SAMD3: variants seen among roughly 807,000 people sequenced by gnomAD.
SAMD3 encodes the protein sterile alpha motif domain containing 3.
In SAMD3, 63 loss-of-function variants were observed where a neutral mutation model predicts 58.5. The ratio of observed to expected loss-of-function variants is 1.08; its 90% CI spans 0.88 to 1.33. The LOEUF (loss-of-function observed/expected upper bound fraction) is 1.33, where lower values mean the gene tolerates loss of function less well. SAMD3 is among the 40% of genes most tolerant of loss of function. The pLI is 0.00. For missense variants in SAMD3, 604 were observed against 608.4 expected (o/e 0.99, Z 0.08); for synonymous variants, 220 against 210.3 (o/e 1.05, Z -0.40).
chr6:130,282,071 A>G (rs918530174), intron 2 of SAMD3, among the ~76,000 whole-genome samples: 3 of 152,152 alleles, frequency 2.0e-5, no homozygotes, highest in African/African-American at 7.2e-5. Context: ...GCTACTCAGG[A>G]AAGTCTTACC....
intron 1 of SAMD3, among the ~76,000 whole-genome samples, chr6:130,359,627 T>C (rs941780188): frequency 6.6e-6 from 1 of 152,220 alleles, no homozygotes; most frequent in Admixed American, 6.5e-5. Flanking sequence ...AGCTATGTGC[T>C]TACAAAGATG....
chr6:130,150,313 C>G (rs1451131582), intron 9 of SAMD3, among the ~76,000 whole-genome samples: 1 of 152,136 alleles, frequency 6.6e-6, no homozygotes, highest in Non-Finnish European at 1.5e-5. Flanking sequence ...GGACAAGGTT[C>G]TCCCAGGCTG....
At chr6:130,244,515 G>C (rs1773470412) in intron 2 of SAMD3, among the ~76,000 whole-genome samples, 1 of 152,120 alleles carries the variant, frequency 6.6e-6, no homozygotes, top group Admixed American at 6.5e-5. Context: ...CAGGCAGGGA[G>C]AATCACCTGA....
intron 8 of SAMD3, chr6:130,162,294 G>T (rs1334153448): frequency 1.4e-6 from 1 of 701,442 alleles, no homozygotes; most frequent in Admixed American, 2.0e-5. Context: ...GAAATAAGGA[G>T]GAGAATATTT....
chr6:130,272,797 G>C (rs1370904144), intron 2 of SAMD3, among the ~76,000 whole-genome samples: 1 of 152,102 alleles, frequency 6.6e-6, no homozygotes, highest in Admixed American at 6.6e-5. Flanking sequence ...TCCCAGCTCA[G>C]CTTCCCAAGT....
intron 1 of SAMD3, among the ~76,000 whole-genome samples, chr6:130,336,184 A>T (rs183332805): frequency 6.6e-6 from 1 of 152,224 alleles, no homozygotes; most frequent in East Asian, 1.9e-4. Context: ...ATAAAATTTA[A>T]AAATTTAGTA....
chr6:130,206,771 A>G (rs1381079074), intron 5 of SAMD3, among the ~76,000 whole-genome samples: 1 of 152,118 alleles, frequency 6.6e-6, no homozygotes, highest in African/African-American at 2.4e-5. Context: ...TCAATTTCTT[A>G]GCCAGTCCTA....
chr6:130,329,054 C>CTT (rs2115010099), intron 1 of SAMD3, among the ~76,000 whole-genome samples: 1 of 152,072 alleles, frequency 6.6e-6, no homozygotes, highest in South Asian at 2.1e-4. Context: ...CTCTCTCTCT[C>CTT]TCTCTCTCTC....
At chr6:130,300,758 A>G (rs4469322) in intron 2 of SAMD3, among the ~76,000 whole-genome samples, 1 of 152,122 alleles carries the variant, frequency 6.6e-6, no homozygotes, top group Non-Finnish European at 1.5e-5. Flanking sequence ...ACTCCTAGAC[A>G]TGATAAATGA....
At position 130,214,490 on chromosome 6, in the gene SAMD3, T is replaced by C. The variant is rs200818614; in HGVS notation, c.116A>G (p.Asn39Ser). ...EVSGAALLAL[N>S]DRMVQQLVKK... ...TACCAGTTGCTGAACCATCCGATCA[T>C]TAAGTGCAAGAAGAGCGGCCCCACT... Residue 39 changes from asparagine to serine, a missense_variant, in exon 4 of 12, where the codon AAT becomes AGT. Asn to Ser is a conservative substitution (Grantham distance 46). Coordinates refer to ENST00000439090, the MANE Select transcript of SAMD3 (RefSeq NM_001017373.4). 2.5e-6 allele frequency: 4 copies of C among 1,610,250 alleles called. No individual in the cohort carries two copies. The highest frequency in any genetic ancestry group is 1.7e-5 in the Admixed American group (1 of 59,502).
chr6:130,290,268 T>G (rs1381175866), intron 2 of SAMD3, among the ~76,000 whole-genome samples: 1 of 152,102 alleles, frequency 6.6e-6, no homozygotes, highest in African/African-American at 2.4e-5. Context: ...GGTTGAAAAT[T>G]CCAGGAAGAG....
intron 2 of SAMD3, among the ~76,000 whole-genome samples, chr6:130,304,887 C>T (rs115027885): frequency 5.7e-4 from 81 of 141,740 alleles, no homozygotes; most frequent in African/African-American, 1.9e-3. Context: ...ATGGTTTTTA[C>T]TTAGTTGCTA....
At chr6:130,220,490 T>C (rs1341823459) in intron 1 of SAMD3, among the ~76,000 whole-genome samples, 3 of 152,220 alleles carry the variant, frequency 2.0e-5, no homozygotes, top group Non-Finnish European at 4.4e-5. Flanking sequence ...CCAAAGCTTA[T>C]GGTTCAGCAA....
intron 1 of SAMD3, among the ~76,000 whole-genome samples, chr6:130,220,247 G>T (rs900110282): frequency 6.6e-6 from 1 of 152,168 alleles, no homozygotes; most frequent in Non-Finnish European, 1.5e-5. Flanking sequence ...TGATCCACCT[G>T]CCTCGGCCCC....
At position 130,157,945 on chromosome 6, in the gene SAMD3, CAA is replaced by C. The variant is rs58335490; in HGVS notation, c.823-2922_823-2921del. On this transcript the variant is annotated intron_variant, in intron 8 of 11. Transcript: ENST00000439090. ...TACAATTTTTTACAATTATATTTTG[CAA>C]AAAAAAAAAATTAAATTGCAAAAAA... is the stretch of plus-strand genomic sequence containing the variant. Among the ~76,000 whole-genome samples, 482 of 145,770 alleles carry C rather than the reference CAA, an allele frequency of 3.3e-3. 2 individuals carry two copies. The highest frequency in any genetic ancestry group is 7.9e-3 in the African/African-American group (316 of 39,798).
upstream of SAMD3, among the ~76,000 whole-genome samples, chr6:130,224,643 G>A (rs1796337318): frequency 6.7e-6 from 1 of 148,860 alleles, no homozygotes; most frequent in African/African-American, 2.5e-5. Flanking sequence ...TTTTGAGATG[G>A]AGTCTCCCTT....
rs186141683 is a variant in SAMD3, at chr6:130,183,485, T to A, written c.654+618A>T. The stretch of plus-strand genomic sequence containing the variant: ...AAAGCCAGACAACAGCTCCACTGGG[T>A]CTGAGAAGGCAAGAAACACTTGATG... On this transcript the variant is annotated intron_variant, in intron 7 of 11. Transcript: ENST00000439090. 15 of 417,560 alleles carry A rather than the reference T, an allele frequency of 3.6e-5. No homozygotes were observed. In the East Asian group the frequency reaches 1.1e-3, roughly 29 times the overall value. 25.9% of individuals were successfully genotyped at this position (417,560 alleles called of 1,614,324 possible). A position where few individuals can be genotyped will look rare whatever the true frequency, so the allele number is the denominator to read the frequency against.
At chr6:130,215,346 T>A in intron 2 of SAMD3, 52 bp from the exon 3 acceptor site, 1 of 1,279,346 alleles carries the variant, frequency 7.8e-7, no homozygotes, top group Non-Finnish European at 1.0e-6. Flanking sequence ...TGATTGTGCC[T>A]TAATTTTTTT....
chr6:130,173,146 T>C (rs1278856484), intron 8 of SAMD3, among the ~76,000 whole-genome samples: 1 of 152,206 alleles, frequency 6.6e-6, no homozygotes, highest in East Asian at 1.9e-4. Context: ...TAGAACATGC[T>C]CCTTTAGCTC....
Sources: gnomAD v4.1 joint callset for allele counts (sites outside exome capture counted in the v4.1 genomes callset) on GRCh38, gnomAD v4.1.1 for gene constraint, MANE v1.5 for transcripts, NCBI Gene and HGNC (gene_info 2026-07-23, HGNC 2026-07-21) for gene names.